GRTP1: variants seen among roughly 807,000 people sequenced by gnomAD.
GRTP1 encodes the protein growth hormone-regulated TBC protein 1.
A neutral mutation model predicts 38.1 loss-of-function variants in GRTP1; 56 were observed. The ratio of observed to expected loss-of-function variants is 1.47; its 90% CI spans 1.19 to 1.84. The LOEUF is 1.84. Ranked by LOEUF, GRTP1 falls within the 40% of genes most tolerant of loss-of-function variation. The pLI is 0.00. For synonymous variants in GRTP1, 217 were observed against 189.5 expected (o/e 1.14, Z -1.19); for missense variants, 506 against 453.9 (o/e 1.11, Z -1.04).
chr13:113,344,712 CAAAAAAAAAA>C (rs11444762), intron 5 of GRTP1, 141 bp downstream of exon 5: 1 of 177,776 alleles, frequency 5.6e-6, no homozygotes, highest in African/African-American at 6.1e-5. Flanking sequence ...GACTCCGTCT[CAAAAAAAAAA>C]AAAAAAAAAA....
chr13:113,360,677 T>A (rs2043478982), intron 2 of GRTP1, among the ~76,000 whole-genome samples: 1 of 152,196 alleles, frequency 6.6e-6, no homozygotes, highest in African/African-American at 2.4e-5. Context: ...CCAGCATCCC[T>A]ACTCCCTGCA....
chr13:113,324,953 A>G, intron 7 of GRTP1: 1 of 540,912 alleles, frequency 1.8e-6, no homozygotes, highest in Non-Finnish European at 2.4e-6. Flanking sequence ...CAGCCTCCCG[A>G]GTAACTGGGA....
intron 2 of GRTP1, among the ~76,000 whole-genome samples, chr13:113,361,080 A>G (rs2043486765): frequency 7.0e-6 from 1 of 142,892 alleles, no homozygotes; most frequent in Admixed American, 7.4e-5. Flanking sequence ...ACTACCCTCC[A>G]GCCAGGCTGA....
chr13:113,355,242 C>T (rs2043361055), intron 3 of GRTP1, 81 bp downstream of exon 3: 6 of 1,471,186 alleles, frequency 4.1e-6, no homozygotes, highest in Non-Finnish European at 5.6e-6. Flanking sequence ...CACCCCTGGA[C>T]GCTGAGGCTA....
chr13:113,347,648 CTGAG>C (rs2043183087), intron 4 of GRTP1, among the ~76,000 whole-genome samples: 1 of 54,830 alleles, frequency 1.8e-5, no homozygotes. Flanking sequence ...ACCTCTGTGG[CTGAG>C]CAGATCTGGG....
rs1207071047 is a variant in GRTP1, at chr13:113,341,877, T to C, written c.562+2986A>G. Among the ~76,000 whole-genome samples, 6 of 152,182 alleles carry C rather than the reference T, an allele frequency of 3.9e-5. No individual in the cohort carries two copies. In the East Asian group the frequency reaches 1.2e-3, roughly 29 times the overall value. ...TTTATTGCCCAGGCTGGTCTCGAACTTCTGGGCTCAAGTGATCCTCTCACC... is the reference window on the plus strand; with the variant it reads ...TTTATTGCCCAGGCTGGTCTCGAACCTCTGGGCTCAAGTGATCCTCTCACC... On this transcript the variant is annotated intron_variant, in intron 5 of 7. Transcript: ENST00000375431.
At position 113,345,707 on chromosome 13, in the gene GRTP1, A is replaced by G. The variant is rs59776003; in HGVS notation, c.466-748T>C. On this transcript the variant is annotated intron_variant, in intron 4 of 7. Coordinates refer to ENST00000375431, the MANE Select transcript of GRTP1 (RefSeq NM_024719.4). Reference sequence around the variant, plus strand: ...AGCTGCAGAGAGCGATGCTGGCAGCAGCGCGGCGGCTTCAGTCACACAGGG... The same window carrying G: ...AGCTGCAGAGAGCGATGCTGGCAGCGGCGCGGCGGCTTCAGTCACACAGGG... 2.8e-3 allele frequency among the ~76,000 whole-genome samples: 420 copies of G among 152,368 alleles called. 1 individual carries two copies. Among genetic ancestry groups the G allele is most frequent in the African/African-American group, 9.6e-3 (400 of 41,582 alleles).
chr13:113,325,564 C>A (rs763998235), intron 7 of GRTP1, 97 bp downstream of exon 7: 1 of 1,595,036 alleles, frequency 6.3e-7, no homozygotes, highest in Non-Finnish European at 8.5e-7. Context: ...CACTGGTGCC[C>A]GTCCTGTGCA....
chr13:113,352,252 ATTTATATATT>A (rs1246782352), intron 3 of GRTP1, among the ~76,000 whole-genome samples: 38,579 of 115,952 alleles, frequency 0.33, 7,786 homozygotes, highest in East Asian at 0.62. Flanking sequence ...ATTTATATAT[ATTTATATATT>A]TTTATATTTT....
Position 113,347,126 on chromosome 13 carries a change from G to A in GRTP1, c.466-2167C>T, listed in dbSNP as rs1347599566. ...GACCTCTGTGGCAGAGAGCAGACCC[G>A]GGAGGACCTCTGTGGCAGAGAGCAG... On this transcript the variant is annotated intron_variant, in intron 4 of 7. Coordinates refer to ENST00000375431, the MANE Select transcript of GRTP1 (RefSeq NM_024719.4). Among the ~76,000 whole-genome samples the A allele has an allele frequency of 6.8e-4, 15 of 22,000 alleles. 2 individuals carry two copies. The highest frequency in any genetic ancestry group is 2.8e-3 in the African/African-American group (11 of 3,926). 14.4% of individuals were successfully genotyped at this position (22,000 alleles called of 152,430 possible). A position where few individuals can be genotyped will look rare whatever the true frequency, so the allele number is the denominator to read the frequency against.
At chr13:113,354,091 C>A (rs928651120) in intron 3 of GRTP1, among the ~76,000 whole-genome samples, 1 of 152,138 alleles carries the variant, frequency 6.6e-6, no homozygotes, top group Non-Finnish European at 1.5e-5. Context: ...TAAAAAAATT[C>A]ATCCAAAAAA....
chr13:113,326,217 A>G, intron 5 of GRTP1, 126 bp from the exon 6 acceptor site: 1 of 1,183,112 alleles, frequency 8.5e-7, no homozygotes, highest in Non-Finnish European at 1.2e-6. Flanking sequence ...GGGAGGGACA[A>G]AGTTGGAGAG....
chr13:113,344,105 AC>A (rs1428142778), intron 5 of GRTP1, among the ~76,000 whole-genome samples: 1 of 152,172 alleles, frequency 6.6e-6, no homozygotes, highest in Non-Finnish European at 1.5e-5. Context: ...TTAAAAAGCA[AC>A]CATGGATATA....
intron 5 of GRTP1, among the ~76,000 whole-genome samples, chr13:113,326,661 ACT>A (rs766286505): frequency 5.3e-5 from 8 of 150,050 alleles, no homozygotes; most frequent in Non-Finnish European, 8.8e-5. Context: ...ACAGAGCGAG[ACT>A]CTGTCTCAAA....
chr13:113,355,572 C>T (rs1039726375), intron 2 of GRTP1, 91 bp from the exon 3 acceptor site: 15 of 1,384,372 alleles, frequency 1.1e-5, no homozygotes, highest in Admixed American at 2.8e-5. Context: ...CTCACCAGTT[C>T]TCTTCTTAAA....
intron 5 of GRTP1, among the ~76,000 whole-genome samples, chr13:113,329,399 GA>G (rs1028677450): frequency 8.5e-5 from 13 of 152,192 alleles, no homozygotes; most frequent in Non-Finnish European, 1.6e-4. Flanking sequence ...CCAACATGGT[GA>G]AAACCCATCT....
At chr13:113,327,425 G>T (rs946482820) in intron 5 of GRTP1, among the ~76,000 whole-genome samples, 1 of 152,072 alleles carries the variant, frequency 6.6e-6, no homozygotes, top group Non-Finnish European at 1.5e-5. Context: ...TGATCTGCCC[G>T]CCTCGGCCTC....
intron 5 of GRTP1, among the ~76,000 whole-genome samples, chr13:113,328,953 G>A (rs2042815927): frequency 6.7e-6 from 1 of 149,704 alleles, no homozygotes; most frequent in Non-Finnish European, 1.5e-5. Flanking sequence ...TTACAAAGCA[G>A]CCTGTGGACT....
At chr13:113,333,570 T>C (rs2139416595) in intron 5 of GRTP1, among the ~76,000 whole-genome samples, 1 of 152,278 alleles carries the variant, frequency 6.6e-6, no homozygotes, top group East Asian at 1.9e-4. Context: ...AGTGGCGTGA[T>C]CTCGGCTCAC....
Sources: gnomAD v4.1 joint callset for allele counts (sites outside exome capture counted in the v4.1 genomes callset) on GRCh38, gnomAD v4.1.1 for gene constraint, MANE v1.5 for transcripts, NCBI Gene and HGNC (gene_info 2026-07-23, HGNC 2026-07-21) for gene names.